PPP1R13B: variants seen among roughly 807,000 people sequenced by gnomAD.
The protein encoded by PPP1R13B is apoptosis-stimulating of p53 protein 1.
A neutral mutation model predicts 119.8 loss-of-function variants in PPP1R13B; 44 were observed. The ratio of observed to expected loss-of-function variants is 0.37; its 90% CI spans 0.29 to 0.47. The LOEUF (loss-of-function observed/expected upper bound fraction) is 0.47, where lower values mean the gene tolerates loss of function less well. PPP1R13B is among the 20% of genes least tolerant of loss of function. The pLI is 0.99. For missense variants in PPP1R13B, 1,227 were observed against 1,413.5 expected (o/e 0.87, Z 2.12); for synonymous variants, 542 against 561.5 (o/e 0.97, Z 0.49).
rs770611649 is a variant in PPP1R13B, at chr14:103,739,842, G to C, written c.2574C>G (p.His858Gln). 7 of 1,608,754 alleles carry C rather than the reference G, an allele frequency of 4.4e-6. No homozygotes were observed. In the African/African-American group the frequency reaches 8.0e-5, roughly 18 times the overall value. The change falls in exon 12 of 17, where the codon CAC becomes CAG. Residue 858 changes from histidine to glutamine, a missense_variant. His to Gln is a conservative substitution (Grantham distance 24, BLOSUM62 0). Coordinates refer to ENST00000202556, the MANE Select transcript of PPP1R13B (RefSeq NM_015316.3). ...CACCCACCGTGGAGGTGGCAGGAGGGTGGCTGGCAGGGGGAAGAGGTGCTG... is the reference window on the plus strand; with the variant it reads ...CACCCACCGTGGAGGTGGCAGGAGGCTGGCTGGCAGGGGGAAGAGGTGCTG... ...VPPAPLPPAS[H>Q]PPATSTNKRT...
chr14:103,754,845 T>C (rs904801914), intron 5 of PPP1R13B, among the ~76,000 whole-genome samples: 1 of 151,888 alleles, frequency 6.6e-6, no homozygotes, highest in African/African-American at 2.4e-5. Context: ...AGTGGCATGA[T>C]CTCGGCTCAC....
intron 4 of PPP1R13B, chr14:103,759,320 C>A (rs1050118024): frequency 4.0e-5 from 6 of 148,804 alleles, no homozygotes; most frequent in Non-Finnish European, 8.9e-5. Context: ...AAAAGCAATA[C>A]GGTACAAGAT....
chr14:103,809,826 A>AATTATTATT (rs111903490), intron 1 of PPP1R13B, among the ~76,000 whole-genome samples: 10 of 149,194 alleles, frequency 6.7e-5, no homozygotes, highest in African/African-American at 1.5e-4. Context: ...CTTGTCTCAA[A>AATTATTATT]ATTATTATTA....
chr14:103,816,669 CAAAAAA>C (rs34539149), intron 1 of PPP1R13B, among the ~76,000 whole-genome samples: 2 of 105,164 alleles, frequency 1.9e-5, no homozygotes, highest in African/African-American at 6.3e-5. Flanking sequence ...AACTCAGTCT[CAAAAAA>C]AAAAAAAAAA....
At chr14:103,819,439 G>T (rs2152067517) in intron 1 of PPP1R13B, among the ~76,000 whole-genome samples, 1 of 150,364 alleles carries the variant, frequency 6.7e-6, no homozygotes, top group African/African-American at 2.5e-5. Context: ...TGAGGCTGCA[G>T]TGAACTATGA....
At position 103,741,777 on chromosome 14, in the gene PPP1R13B, A is replaced by G. The variant is rs185882153; in HGVS notation, c.1822+13T>C. On this transcript the variant is annotated intron_variant, in intron 11 of 16. Transcript: ENST00000202556. ...CCTAGCCCCAAGAAAAGGAGAGTATAAACCCACTCTACCTGCTTTAACTGA... is the reference window on the plus strand; with the variant it reads ...CCTAGCCCCAAGAAAAGGAGAGTATGAACCCACTCTACCTGCTTTAACTGA... 1.1e-3 allele frequency: 1,742 copies of G among 1,610,102 alleles called. No individual in the cohort carries two copies. The highest frequency in any genetic ancestry group is 1.4e-3 in the Non-Finnish European group (1,659 of 1,177,198).
intron 1 of PPP1R13B, among the ~76,000 whole-genome samples, chr14:103,819,402 T>TGGTA (rs2086352043): frequency 6.7e-6 from 1 of 149,356 alleles, no homozygotes; most frequent in South Asian, 2.1e-4. Context: ...GAGGCTGAGG[T>TGGTA]GGTAGGATCC....
At chr14:103,823,801 C>T (rs994977831) in intron 1 of PPP1R13B, among the ~76,000 whole-genome samples, 2 of 151,720 alleles carry the variant, frequency 1.3e-5, no homozygotes, top group Admixed American at 1.3e-4. Flanking sequence ...AAGTATCTTT[C>T]TTATTTTTAC....
At chr14:103,759,087 T>C (rs1046577114) in intron 4 of PPP1R13B, 3 of 151,732 alleles carry the variant, frequency 2.0e-5, no homozygotes, top group East Asian at 2.0e-4. Flanking sequence ...GTCTCCCGAA[T>C]AGCTGGGACT....
rs200606453 is a variant in PPP1R13B at position 103,739,969 on chromosome 14, G to T, written c.2447C>A (p.Pro816Gln). 24 of 1,614,128 alleles carry T rather than the reference G, an allele frequency of 1.5e-5. No individual in the cohort carries two copies. Among genetic ancestry groups the T allele is most frequent in the Non-Finnish European group, 1.9e-5 (23 of 1,180,032 alleles). The stretch of plus-strand genomic sequence containing the variant: ...CACGTTGTTGTTATTGTCCTCTGCC[G>T]GCTCGGCAGTTTGGTGGGTGGTTTG... ...CPQTTHQTAEPAEDNNNNVAT... is the reference protein window; with the variant it reads ...CPQTTHQTAEQAEDNNNNVAT... The change falls in exon 12 of 17, where the codon CCG becomes CAG. Residue 816 changes from proline to glutamine, a missense_variant. Pro to Gln is a moderately conservative substitution (Grantham distance 76). Transcript: ENST00000202556.
chr14:103,827,530 A>G (rs1031332363), intron 1 of PPP1R13B, among the ~76,000 whole-genome samples: 39 of 151,670 alleles, frequency 2.6e-4, no homozygotes, highest in Non-Finnish European at 1.3e-4. Flanking sequence ...ATACATCACA[A>G]ACTGCTAGAA....
intron 1 of PPP1R13B, 149 bp downstream of exon 1, chr14:103,847,150 C>A (rs369484330): frequency 2.0e-6 from 2 of 983,040 alleles, no homozygotes; most frequent in South Asian, 9.2e-5. Context: ...CTGGGGGGCG[C>A]CGCGGCCGGG....
chr14:103,778,802 C>G lies in PPP1R13B; in HGVS notation c.297G>C (p.Glu99Asp). The change falls in exon 4 of 17, where the codon GAG becomes GAC. Residue 99 changes from glutamate to aspartate, a missense_variant. By Grantham distance (45) the Glu-to-Asp change is conservative (BLOSUM62 2). Transcript: ENST00000202556. ...NSEQGGRQTQ[E>D]QRTQRNVINV... ...TTATTACATTTCTCTGAGTTCGTTG[C>G]TCTTGGGTCTGACGGCCACCTAAAG... is the stretch of plus-strand genomic sequence containing the variant. The G allele has an allele frequency of 6.2e-7, 1 of 1,613,988 alleles. No homozygotes were observed. Among genetic ancestry groups the G allele is most frequent in the South Asian group, 1.1e-5 (1 of 91,074 alleles).
At chr14:103,772,999 T>G (rs562500308) in intron 4 of PPP1R13B, among the ~76,000 whole-genome samples, 1 of 152,334 alleles carries the variant, frequency 6.6e-6, no homozygotes, top group South Asian at 2.1e-4. Flanking sequence ...GTTTGTTTTC[T>G]TATTATTAAG....
chr14:103,801,619 G>C (rs937407817), intron 1 of PPP1R13B, among the ~76,000 whole-genome samples: 1 of 152,112 alleles, frequency 6.6e-6, no homozygotes, highest in African/African-American at 2.4e-5. Context: ...TCTTCACACA[G>C]ATCTCTATTG....
Position 103,734,436 on chromosome 14 carries a change from G to A in PPP1R13B, c.*718C>T, listed in dbSNP as rs1402654294. On this transcript the variant is annotated 3_prime_UTR_variant, in exon 17 of 17. Coordinates refer to ENST00000202556, the MANE Select transcript of PPP1R13B (RefSeq NM_015316.3). Reference sequence around the variant, plus strand: ...ACCACACTGAGCAGCATGACAGGCTGTGAGATCGGAGGAGAAGAGTATATG... The same window carrying A: ...ACCACACTGAGCAGCATGACAGGCTATGAGATCGGAGGAGAAGAGTATATG... 2.3e-6 allele frequency: 1 copy of A among 440,146 alleles called. No homozygotes were observed. The highest frequency in any genetic ancestry group is 1.6e-5 in the South Asian group (1 of 62,480). 27.3% of individuals were successfully genotyped at this position (440,146 alleles called of 1,614,324 possible).
chr14:103,742,582 G>C lies in PPP1R13B; in HGVS notation c.1320+72C>G. The C allele has an allele frequency of 6.5e-7, 1 of 1,540,578 alleles. No homozygotes were observed. Among genetic ancestry groups the C allele is most frequent in the South Asian group, 1.2e-5 (1 of 81,268 alleles). Reference sequence around the variant, plus strand: ...GCCTCCTGACAAGTCATACCCTTTAGCTTAGTACTAAGGCAGAAGAGAGCC... The same window carrying C: ...GCCTCCTGACAAGTCATACCCTTTACCTTAGTACTAAGGCAGAAGAGAGCC... On this transcript the variant is annotated intron_variant, in intron 10 of 16. Coordinates refer to ENST00000202556, the MANE Select transcript of PPP1R13B (RefSeq NM_015316.3). This position sits in a 1 kb window ranked among gnomAD's most constrained non-coding sequence, Gnocchi z 4.9.
At chr14:103,749,693 A>G (rs2084490479) in intron 8 of PPP1R13B, 101 bp downstream of exon 8, 2 of 1,183,300 alleles carry the variant, frequency 1.7e-6, no homozygotes, top group South Asian at 1.5e-5. Flanking sequence ...ATGTTTTATC[A>G]GTTATGGTGG....
rs926716849 is a variant in PPP1R13B, at chr14:103,771,472, C to T, written c.354+7273G>A. On this transcript the variant is annotated intron_variant, in intron 4 of 16. Coordinates refer to ENST00000202556, the MANE Select transcript of PPP1R13B (RefSeq NM_015316.3). ...AACTAAGAAGATTTAAGAACTAACACTTCTTTTTTTTTTTTTTTTTTTTTT... is the reference window on the plus strand; with the variant it reads ...AACTAAGAAGATTTAAGAACTAACATTTCTTTTTTTTTTTTTTTTTTTTTT... Among the ~76,000 whole-genome samples, 10 of 136,906 alleles carry T rather than the reference C, an allele frequency of 7.3e-5. No individual in the cohort carries two copies. The South Asian group carries it at 1.1e-3, about 15-fold the overall frequency. 89.8% of individuals were successfully genotyped at this position (136,906 alleles called of 152,430 possible). A position where few individuals can be genotyped will look rare whatever the true frequency, so the allele number is the denominator to read the frequency against.
Sources: gnomAD v4.1 joint callset for allele counts (sites outside exome capture counted in the v4.1 genomes callset) on GRCh38, gnomAD v4.1.1 for gene constraint, Gnocchi (gnomAD v3.1) non-coding constraint, MANE v1.5 for transcripts, NCBI Gene and HGNC (gene_info 2026-07-23, HGNC 2026-07-21) for gene names.